Variants in CHN1 observed in about 807,000 individuals in gnomAD.
CHN1 encodes the protein chimerin 1.
Under a neutral mutation model 59.5 loss-of-function variants are expected in CHN1, and 37 were observed. That is an observed-to-expected ratio of 0.62 (90% CI 0.48 to 0.82). The LOEUF (loss-of-function observed/expected upper bound fraction) is 0.82, where lower values mean the gene tolerates loss of function less well. Among genes scored for constraint, CHN1 ranks in the 40% least tolerant of loss-of-function variants. The pLI is 0.00. For synonymous variants in CHN1, 206 were observed against 200.4 expected (o/e 1.03, Z -0.24); for missense variants, 469 against 571.0 (o/e 0.82, Z 1.82).
chr2:174,912,881 T>C (rs1239314511), intron 5 of CHN1, among the ~76,000 whole-genome samples: 2 of 152,214 alleles, frequency 1.3e-5, no homozygotes, highest in Non-Finnish European at 2.9e-5. Context: ...GTAATGATTT[T>C]ATGGCAATTT....
intron 8 of CHN1, among the ~76,000 whole-genome samples, chr2:174,820,126 C>T (rs927874103): frequency 3.3e-5 from 5 of 152,096 alleles, no homozygotes; most frequent in African/African-American, 1.2e-4. Flanking sequence ...CCACAATAAA[C>T]ATACGTGTGC....
At chr2:174,882,314 A>C (rs1687761451) in intron 5 of CHN1, among the ~76,000 whole-genome samples, 1 of 152,200 alleles carries the variant, frequency 6.6e-6, no homozygotes, top group African/African-American at 2.4e-5. Flanking sequence ...CTATTTTAAA[A>C]AGCTGTTTAA....
At chr2:174,848,634 T>C (rs1336555440) in intron 6 of CHN1, among the ~76,000 whole-genome samples, 1 of 152,192 alleles carries the variant, frequency 6.6e-6, no homozygotes, top group African/African-American at 2.4e-5. Context: ...GCCCAGTGCA[T>C]ATTCTACTTT....
intron 6 of CHN1, among the ~76,000 whole-genome samples, chr2:174,851,119 C>T (rs1686715401): frequency 6.6e-6 from 1 of 152,134 alleles, no homozygotes; most frequent in African/African-American, 2.4e-5. Context: ...CATATAGCAC[C>T]TCTCATATTC....
intron 2 of CHN1, among the ~76,000 whole-genome samples, chr2:174,946,693 A>G (rs527278894): frequency 1.3e-5 from 2 of 152,236 alleles, no homozygotes; most frequent in African/African-American, 4.8e-5. Context: ...AATGAAAAGT[A>G]CATGTGTATC....
intron 8 of CHN1, among the ~76,000 whole-genome samples, chr2:174,820,495 C>T (rs551343053): frequency 6.6e-6 from 1 of 152,212 alleles, no homozygotes; most frequent in Non-Finnish European, 1.5e-5. Flanking sequence ...GGAGGAGCAC[C>T]ATTCCCAATC....
intron 8 of CHN1, among the ~76,000 whole-genome samples, chr2:174,821,403 A>G (rs1019902937): frequency 4.6e-5 from 7 of 152,040 alleles, no homozygotes; most frequent in African/African-American, 1.4e-4. Context: ...CCTCCCTTTT[A>G]TAAGGGCCAT....
At chr2:174,988,155 G>A (rs1016375839) in intron 1 of CHN1, among the ~76,000 whole-genome samples, 2 of 151,996 alleles carry the variant, frequency 1.3e-5, no homozygotes, top group African/African-American at 4.8e-5. Flanking sequence ...TCAGGAGATC[G>A]AGACCATCCT....
intron 6 of CHN1, among the ~76,000 whole-genome samples, chr2:174,857,693 C>T (rs946389452): frequency 6.6e-6 from 1 of 152,106 alleles, no homozygotes; most frequent in Non-Finnish European, 1.5e-5. Context: ...CCCCCAACCC[C>T]CATGAATCTG....
chr2:174,838,661 C>T (rs563948175), intron 7 of CHN1, among the ~76,000 whole-genome samples: 103 of 151,936 alleles, frequency 6.8e-4, no homozygotes, highest in African/African-American at 2.0e-3. Context: ...ATGTCTCAAA[C>T]GGGGGAAAAA....
intron 1 of CHN1, among the ~76,000 whole-genome samples, chr2:174,975,647 AAAAC>A (rs1011050506): frequency 2.0e-5 from 3 of 147,314 alleles, no homozygotes; most frequent in Non-Finnish European, 4.4e-5. Flanking sequence ...CAAAAAAAAC[AAAAC>A]AAACAAAAAA....
chr2:174,945,090 A>G (rs1432782556), intron 2 of CHN1, 147 bp from the exon 3 acceptor site: 11 of 585,060 alleles, frequency 1.9e-5, no homozygotes, highest in Non-Finnish European at 3.4e-5. Flanking sequence ...AAAACAAAAA[A>G]AGTAAACAAA....
At chr2:174,842,989 T>C (rs1027139413) in intron 7 of CHN1, among the ~76,000 whole-genome samples, 5 of 152,166 alleles carry the variant, frequency 3.3e-5, no homozygotes, top group African/African-American at 1.2e-4. Context: ...ATTAAACTCA[T>C]ATTTTTAGTA....
intron 7 of CHN1, among the ~76,000 whole-genome samples, chr2:174,843,294 C>G (rs908764468): frequency 5.3e-5 from 8 of 151,986 alleles, no homozygotes; most frequent in Non-Finnish European, 1.0e-4. Context: ...GGCTGGAGTT[C>G]AGTGATGTGA....
chr2:174,905,716 C>T (rs2105361100), intron 5 of CHN1, among the ~76,000 whole-genome samples: 1 of 152,226 alleles, frequency 6.6e-6, no homozygotes, highest in South Asian at 2.1e-4. Context: ...AGCTACCATG[C>T]CCGGCTAATT....
chr2:174,896,687 T>C (rs1187893897), intron 5 of CHN1, among the ~76,000 whole-genome samples: 2 of 152,112 alleles, frequency 1.3e-5, no homozygotes, highest in African/African-American at 4.8e-5. Flanking sequence ...TATATCATAT[T>C]CATCCTCTTA....
intron 5 of CHN1, among the ~76,000 whole-genome samples, chr2:174,902,518 A>G (rs1688418771): frequency 6.6e-6 from 1 of 152,170 alleles, no homozygotes; most frequent in African/African-American, 2.4e-5. Flanking sequence ...ACTTACTCTT[A>G]TATCTTAAAA....
At chr2:174,955,131 T>C (rs183356971) in intron 1 of CHN1, among the ~76,000 whole-genome samples, 2 of 146,704 alleles carry the variant, frequency 1.4e-5, no homozygotes, top group Admixed American at 6.9e-5. Flanking sequence ...AGATCTAATA[T>C]AGATCTATAT....
intron 3 of CHN1, among the ~76,000 whole-genome samples, chr2:174,939,747 C>A (rs1273376168): frequency 3.3e-5 from 5 of 152,096 alleles, no homozygotes; most frequent in African/African-American, 1.2e-4. Flanking sequence ...ATTTAATCAT[C>A]CTTGATCACA....
Sources: gnomAD v4.1 joint callset for allele counts (sites outside exome capture counted in the v4.1 genomes callset) on GRCh38, gnomAD v4.1.1 for gene constraint, MANE v1.5 for transcripts, NCBI Gene and HGNC (gene_info 2026-07-23, HGNC 2026-07-21) for gene names.